Variants in RAPGEF2 observed in about 807,000 individuals in gnomAD.
The protein encoded by RAPGEF2 is PDZ domain containing guanine nucleotide exchange factor (GEF) 1.
Under a neutral mutation model 186.7 loss-of-function variants are expected in RAPGEF2, and 54 were observed. The ratio of observed to expected loss-of-function variants is 0.29; its 90% CI spans 0.23 to 0.36. The LOEUF is 0.36. Ranked by LOEUF, RAPGEF2 falls within the 10% of genes least tolerant of loss-of-function variation. The pLI is 1.00. For synonymous variants in RAPGEF2, 712 were observed against 705.9 expected, an observed-to-expected ratio of 1.01 and a Z score of -0.14; for missense variants, 1,532 against 2,045.0, an observed-to-expected ratio of 0.75 and a Z score of 4.84.
At chr4:159,195,088 T>A (rs1748498173) in intron 3 of RAPGEF2, among the ~76,000 whole-genome samples, 1 of 152,176 alleles carries the variant, frequency 6.6e-6, no homozygotes, top group South Asian at 2.1e-4. Context: ...CTGGGACCTG[T>A]TCAGCAGGCA....
intron 1 of RAPGEF2, among the ~76,000 whole-genome samples, chr4:159,167,171 A>C (rs780815948): frequency 1.3e-5 from 2 of 152,244 alleles, no homozygotes; most frequent in Non-Finnish European, 2.9e-5. Context: ...AGTTGCTACT[A>C]AGTTGAAAAC....
At position 159,104,364 on chromosome 4, in the gene RAPGEF2, C is replaced by A. The variant is rs569768396; in HGVS notation, c.69+133C>A. 8 of 457,002 alleles carry A rather than the reference C, an allele frequency of 1.8e-5. No individual in the cohort carries two copies. In the South Asian group the frequency reaches 1.9e-4, roughly 11 times the overall value. 28.3% of individuals were successfully genotyped at this position (457,002 alleles called of 1,614,324 possible). A position where few individuals can be genotyped will look rare whatever the true frequency, so the allele number is the denominator to read the frequency against. ...CTTCTTGCATCAGGACCCCCAACTT[C>A]CAAAGGCATCCCACCTCCGAGTCTT... On this transcript the variant is annotated intron_variant, in intron 1 of 29. Coordinates refer to ENST00000691494, the MANE Select transcript of RAPGEF2 (RefSeq NM_001394067.2).
intron 11 of RAPGEF2, among the ~76,000 whole-genome samples, chr4:159,325,083 T>A (rs1765743836): frequency 6.6e-6 from 1 of 152,122 alleles, no homozygotes; most frequent in Non-Finnish European, 1.5e-5. Context: ...AGCATTTTAC[T>A]TACTAAAAAG....
At chr4:159,115,226 T>C (rs1343217476) in intron 1 of RAPGEF2, among the ~76,000 whole-genome samples, 1 of 152,132 alleles carries the variant, frequency 6.6e-6, no homozygotes, top group Non-Finnish European at 1.5e-5. Flanking sequence ...CGTTAGAAGA[T>C]TGGATTAAAA....
chr4:159,242,750 C>T (rs1207256207), intron 6 of RAPGEF2, among the ~76,000 whole-genome samples: 1 of 151,772 alleles, frequency 6.6e-6, no homozygotes, highest in Non-Finnish European at 1.5e-5. Context: ...GTTGATGTAG[C>T]ATTATGGAAG....
chr4:159,265,399 A>G (rs1757317489), intron 7 of RAPGEF2, among the ~76,000 whole-genome samples: 1 of 152,144 alleles, frequency 6.6e-6, no homozygotes, highest in African/African-American at 2.4e-5. Context: ...TGTTTTTGGG[A>G]GTGGAGGTGG....
intron 7 of RAPGEF2, among the ~76,000 whole-genome samples, chr4:159,261,100 A>G (rs370882610): frequency 8.9e-4 from 133 of 149,186 alleles, no homozygotes; most frequent in African/African-American, 2.8e-3. Context: ...TCACTCTGTC[A>G]CCCAGGCTGG....
intron 1 of RAPGEF2, among the ~76,000 whole-genome samples, chr4:159,137,293 TC>T (rs1272441257): frequency 8.5e-5 from 13 of 152,214 alleles, no homozygotes; most frequent in Non-Finnish European, 1.8e-4. Context: ...GAAGGCCTAC[TC>T]CTGGCCTGCA....
chr4:159,213,460 C>T (rs936793174), intron 4 of RAPGEF2, among the ~76,000 whole-genome samples: 4 of 152,130 alleles, frequency 2.6e-5, no homozygotes, highest in South Asian at 2.1e-4. Flanking sequence ...CTCGTTTTGA[C>T]GGGTAATTCA....
chr4:159,351,086 T>C, intron 26 of RAPGEF2: 1 of 1,534,204 alleles, frequency 6.5e-7, no homozygotes, highest in South Asian at 1.2e-5. Context: ...CTGAGATCTT[T>C]TGGCTCCGGG....
In RAPGEF2 at chr4:159,356,148, C is replaced by T. The variant is rs756197162; in HGVS notation, c.4947C>T (p.Thr1649=). Residue 1649 remains threonine (T), a synonymous_variant, in exon 29 of 30, where the codon ACC becomes ACT. Transcript: ENST00000691494. ...LAPYQSQGFS[T]EEDEDEQVSA... ...CCTATCAGTCCCAAGGGTTTTCCAC[C>T]GAGGAGGATGGTATATGCACATAAA... 1.5e-5 allele frequency: 24 copies of T among 1,613,492 alleles called. No individual in the cohort carries two copies. The highest frequency in any genetic ancestry group is 5.3e-5 in the African/African-American group (4 of 74,908).
intron 17 of RAPGEF2, among the ~76,000 whole-genome samples, chr4:159,337,943 A>G (rs1028414636): frequency 1.4e-5 from 2 of 147,354 alleles, no homozygotes; most frequent in African/African-American, 2.5e-5. Flanking sequence ...TTAGAGAAAC[A>G]TACTATACAC....
intron 7 of RAPGEF2, among the ~76,000 whole-genome samples, chr4:159,296,117 A>G (rs951790439): frequency 6.6e-6 from 1 of 152,210 alleles, no homozygotes; most frequent in East Asian, 1.9e-4. Flanking sequence ...CCTTGTAAAG[A>G]TTAATTTATA....
chr4:159,286,715 T>C (rs1760549755), intron 7 of RAPGEF2, among the ~76,000 whole-genome samples: 1 of 152,230 alleles, frequency 6.6e-6, no homozygotes, highest in Admixed American at 6.5e-5. Flanking sequence ...TTGTTTCTTT[T>C]GCTCAGAATT....
At chr4:159,104,318 C>A in intron 1 of RAPGEF2, 87 bp downstream of exon 1, 1 of 636,240 alleles carries the variant, frequency 1.6e-6, no homozygotes, top group Non-Finnish European at 2.5e-6. Context: ...CTTCCTGACA[C>A]AGTTCGCCCC....
At chr4:159,305,008 G>GACAT (rs1176099979) in intron 8 of RAPGEF2, among the ~76,000 whole-genome samples, 13 of 152,118 alleles carry the variant, frequency 8.5e-5, no homozygotes, top group Admixed American at 2.6e-4. Flanking sequence ...TGCTGCAAAA[G>GACAT]ACATGATTTC....
At position 159,241,503 on chromosome 4, in the gene RAPGEF2, ATATT is replaced by A. The variant is rs549912116; in HGVS notation, c.525+141_525+144del. The A allele has an allele frequency of 2.2e-3, 666 of 302,124 alleles. 8 individuals carry two copies. Among genetic ancestry groups the A allele is most frequent in the African/African-American group, 0.013 (598 of 45,262 alleles). The allele number at this position is 302,124 out of a possible 1,614,324, so 18.7% of individuals were successfully genotyped here. ...ATACACACACATTAAGTATACTTAA[ATATT>A]TATTTTTATTTGTTATATTAATAAA... On this transcript the variant is annotated intron_variant, in intron 6 of 29. Coordinates refer to ENST00000691494, the MANE Select transcript of RAPGEF2 (RefSeq NM_001394067.2).
intron 1 of RAPGEF2, among the ~76,000 whole-genome samples, chr4:159,168,377 G>T (rs1414198885): frequency 6.6e-6 from 1 of 152,056 alleles, no homozygotes; most frequent in Admixed American, 6.6e-5. Context: ...TTGATAGCCA[G>T]AACATTACAG....
intron 1 of RAPGEF2, among the ~76,000 whole-genome samples, chr4:159,168,096 G>A (rs1272063800): frequency 2.0e-5 from 3 of 152,174 alleles, no homozygotes; most frequent in African/African-American, 4.8e-5. Context: ...CTCAAAACAG[G>A]TTTAGAATTT....
Sources: allele counts gnomAD v4.1 joint callset (sites outside exome capture counted in the v4.1 genomes callset), GRCh38; gene constraint gnomAD v4.1.1; transcripts MANE v1.5; gene names NCBI Gene and HGNC (gene_info 2026-07-23, HGNC 2026-07-21).